Variants in VEPH1 observed in about 807,000 individuals in gnomAD.
The protein encoded by VEPH1 is ventricular zone expressed PH domain containing 1, also known as ventricular zone-expressed PH domain-containing protein homolog 1.
A neutral mutation model predicts 85.2 loss-of-function variants in VEPH1; 80 were observed. The observed-to-expected ratio is 0.94, with a 90% CI of 0.78 to 1.13. The LOEUF (loss-of-function observed/expected upper bound fraction) is 1.13, where lower values mean the gene tolerates loss of function less well. Among genes scored for constraint, VEPH1 ranks in the 50% most tolerant of loss-of-function variants. The pLI is 0.00. For synonymous variants in VEPH1, 297 were observed against 348.0 expected (o/e 0.85, Z 1.63); for missense variants, 955 against 980.5 (o/e 0.97, Z 0.35).
At chr3:157,431,374 A>G (rs1028000842) in intron 4 of VEPH1, among the ~76,000 whole-genome samples, 22 of 152,004 alleles carry the variant, frequency 1.4e-4, no homozygotes, top group African/African-American at 5.3e-4. Context: ...GGCTGCCTGA[A>G]TTTCTTGGTT....
intron 11 of VEPH1, among the ~76,000 whole-genome samples, chr3:157,290,333 A>T (rs1717330116): frequency 6.6e-6 from 1 of 152,152 alleles, no homozygotes; most frequent in Non-Finnish European, 1.5e-5. Context: ...CCTAGCCAAT[A>T]CCTTGACTGT....
chr3:157,484,362 G>A (rs1052561878), intron 2 of VEPH1, among the ~76,000 whole-genome samples: 2 of 152,102 alleles, frequency 1.3e-5, no homozygotes. Flanking sequence ...CTCCTCAGAG[G>A]TGCAATTATA....
At chr3:157,437,432 A>C (rs1266518596) in intron 4 of VEPH1, 2 of 1,521,518 alleles carry the variant, frequency 1.3e-6, no homozygotes, top group African/African-American at 2.8e-5. Context: ...ACTTGGCACC[A>C]CCGAGGGAGG....
At chr3:157,437,094 C>A (rs750077461) in intron 4 of VEPH1, 6 of 1,608,636 alleles carry the variant, frequency 3.7e-6, no homozygotes, top group Non-Finnish European at 4.3e-6. Flanking sequence ...TCTCTGCTAA[C>A]CCTGACTACA....
chr3:157,365,569 G>A (rs1000567324), intron 7 of VEPH1, among the ~76,000 whole-genome samples: 6 of 152,126 alleles, frequency 3.9e-5, no homozygotes, highest in African/African-American at 1.4e-4. Flanking sequence ...TCAGATGCCA[G>A]TGAGAAGTAT....
chr3:157,329,681 G>A lies in VEPH1; in HGVS notation c.1736-12480C>T, dbSNP rs1209669419. Reference sequence around the variant, plus strand: ...ACTTTCACTTTCTTACTGCTGCTCAGATGAAAAGTCATAAAATAATGACTA... The same window carrying A: ...ACTTTCACTTTCTTACTGCTGCTCAAATGAAAAGTCATAAAATAATGACTA... On this transcript the variant is annotated intron_variant, in intron 9 of 13. Transcript: ENST00000362010. Among the ~76,000 whole-genome samples the A allele has an allele frequency of 2.0e-5, 3 of 151,576 alleles. No homozygotes were observed. The East Asian group carries it at 5.8e-4, about 29-fold the overall frequency.
At chr3:157,281,098 G>A (rs1412954312) in intron 12 of VEPH1, among the ~76,000 whole-genome samples, 1 of 146,502 alleles carries the variant, frequency 6.8e-6, no homozygotes, top group African/African-American at 2.5e-5. Flanking sequence ...GTGTGTGTGT[G>A]TGTGAGAGAG....
intron 3 of VEPH1, among the ~76,000 whole-genome samples, chr3:157,462,577 A>G (rs1037962338): frequency 2.0e-5 from 3 of 152,186 alleles, no homozygotes; most frequent in African/African-American, 7.2e-5. Flanking sequence ...AAGGCACTCA[A>G]ATGTATGTTC....
chr3:157,378,306 GTATATATATATATATATATA>G (rs56800722), intron 7 of VEPH1, among the ~76,000 whole-genome samples: 5,593 of 94,480 alleles, frequency 0.059, 214 homozygotes, highest in South Asian at 0.11. Context: ...TTTTTGAATG[GTATATATATATATATATATA>G]TATATATATA....
chr3:157,259,865 C>G lies in VEPH1; in HGVS notation c.*1269G>C, dbSNP rs1712668957. 1.3e-5 allele frequency: 2 copies of G among 152,196 alleles called. No homozygotes were observed. Among genetic ancestry groups the G allele is most frequent in the African/African-American group, 4.8e-5 (2 of 41,446 alleles). The allele number at this position is 152,196 out of a possible 1,614,324, so 9.4% of individuals were successfully genotyped here. ...GCTGCAAGCAAGGCGTTGGCTGGGGCTGGGCTTTTATCTGAGGTTCAGATG... is the reference window on the plus strand; with the variant it reads ...GCTGCAAGCAAGGCGTTGGCTGGGGGTGGGCTTTTATCTGAGGTTCAGATG... On this transcript the variant is annotated 3_prime_UTR_variant, in exon 14 of 14. Coordinates refer to ENST00000362010, the MANE Select transcript of VEPH1 (RefSeq NM_001167912.2).
At chr3:157,305,896 T>A (rs1035765777) in intron 11 of VEPH1, among the ~76,000 whole-genome samples, 3 of 152,216 alleles carry the variant, frequency 2.0e-5, no homozygotes, top group Admixed American at 6.5e-5. Flanking sequence ...GATTATTGAT[T>A]TTCATGAACT....
chr3:157,364,142 G>A (rs566758928), intron 8 of VEPH1, among the ~76,000 whole-genome samples, 161 bp downstream of exon 8: 1 of 152,200 alleles, frequency 6.6e-6, no homozygotes, highest in South Asian at 2.1e-4. Flanking sequence ...AGTTTCTTTG[G>A]ATAATGAGAG....
chr3:157,298,246 T>G (rs554929173), intron 11 of VEPH1, among the ~76,000 whole-genome samples: 1 of 152,202 alleles, frequency 6.6e-6, no homozygotes, highest in Non-Finnish European at 1.5e-5. Context: ...TAGTTATAGA[T>G]GAAGAAATCA....
At chr3:157,406,122 GA>G (rs1209748221) in intron 6 of VEPH1, among the ~76,000 whole-genome samples, 7 of 151,946 alleles carry the variant, frequency 4.6e-5, no homozygotes, top group Admixed American at 4.6e-4. Context: ...TTTCATTTTG[GA>G]AAAAAATCCT....
intron 2 of VEPH1, among the ~76,000 whole-genome samples, chr3:157,493,914 T>G (rs764673116): frequency 3.9e-5 from 6 of 152,214 alleles, no homozygotes; most frequent in Non-Finnish European, 8.8e-5. Flanking sequence ...AAAACCAGTG[T>G]AATTTTCAGC....
At chr3:157,287,616 G>A (rs1258722698) in intron 11 of VEPH1, among the ~76,000 whole-genome samples, 1 of 151,972 alleles carries the variant, frequency 6.6e-6, no homozygotes, top group East Asian at 1.9e-4. Context: ...CCAGGTTGGA[G>A]TGCAGTGGTG....
chr3:157,500,056 ACT>A (rs1435660668), intron 1 of VEPH1, among the ~76,000 whole-genome samples: 2 of 152,022 alleles, frequency 1.3e-5, no homozygotes, highest in South Asian at 4.2e-4. Flanking sequence ...CAACATACGT[ACT>A]CTCTTTTTTT....
chr3:157,301,820 G>C (rs909000400), intron 11 of VEPH1, among the ~76,000 whole-genome samples: 2 of 152,108 alleles, frequency 1.3e-5, no homozygotes, highest in African/African-American at 4.8e-5. Context: ...TCTCTTCCTA[G>C]ATTGCTTCAG....
At chr3:157,464,560 G>A (rs1289509631) in intron 3 of VEPH1, among the ~76,000 whole-genome samples, 1 of 152,202 alleles carries the variant, frequency 6.6e-6, no homozygotes, top group Non-Finnish European at 1.5e-5. Context: ...GCGAAGTGCA[G>A]CATAGAAATA....
Sources: gnomAD v4.1 joint callset for allele counts (sites outside exome capture counted in the v4.1 genomes callset) on GRCh38, gnomAD v4.1.1 for gene constraint, MANE v1.5 for transcripts, NCBI Gene and HGNC (gene_info 2026-07-23, HGNC 2026-07-21) for gene names.